USP42: variants seen among roughly 807,000 people sequenced by gnomAD.
The protein encoded by USP42 is ubiquitin carboxyl-terminal hydrolase 42.
USP42 carries 23 observed loss-of-function variants against 113.0 expected under a neutral mutation model. The ratio of observed to expected loss-of-function variants is 0.20; its 90% CI spans 0.15 to 0.29. The LOEUF (loss-of-function observed/expected upper bound fraction) is 0.29. Ranked by LOEUF, USP42 falls within the 10% of genes least tolerant of loss-of-function variation. The pLI, the probability that USP42 is intolerant of heterozygous loss-of-function variation, is 1.00. For synonymous variants in USP42, 933 were observed against 699.0 expected (o/e 1.33, Z -5.28); for missense variants, 2,174 against 1,779.8 (o/e 1.22, Z -3.99).
intron 3 of USP42, among the ~76,000 whole-genome samples, chr7:6,122,279 GTTTTTTT>G (rs55777900): frequency 2.2e-5 from 3 of 133,540 alleles, no homozygotes; most frequent in Non-Finnish European, 4.8e-5. Flanking sequence ...TCATGTGTCA[GTTTTTTT>G]TTTTTTTTTT....
At chr7:6,150,641 T>C (rs937199464) in intron 14 of USP42, 135 bp downstream of exon 14, 5 of 837,658 alleles carry the variant, frequency 6.0e-6, no homozygotes, top group Non-Finnish European at 7.5e-6. Context: ...TGAATTATAA[T>C]GTATAGGATT....
At chr7:6,118,292 C>T (rs964022295) in intron 3 of USP42, among the ~76,000 whole-genome samples, 2 of 151,938 alleles carry the variant, frequency 1.3e-5, no homozygotes, top group African/African-American at 2.4e-5. Flanking sequence ...GAGGCTGAGG[C>T]GGGTGGCTCA....
At chr7:6,087,589 G>A in the USP42 span, among the ~76,000 whole-genome samples, 9 of 150,602 alleles carry the variant, frequency 6.0e-5, no homozygotes, top group South Asian at 6.3e-4. Flanking sequence ...CACCCGCTTC[G>A]GCCTCCCAAA....
chr7:6,088,867 A>G, the USP42 span: 1 of 150,694 alleles, frequency 6.6e-6, no homozygotes, highest in Non-Finnish European at 1.5e-5. Context: ...CACCCGCAGG[A>G]GGGGACGGCG....
At chr7:6,120,490 G>T (rs1040920100) in intron 3 of USP42, among the ~76,000 whole-genome samples, 3 of 152,078 alleles carry the variant, frequency 2.0e-5, no homozygotes, top group Non-Finnish European at 4.4e-5. Context: ...TGATCTGCCC[G>T]ACTCGGCCTC....
At position 6,157,743 on chromosome 7, in the gene USP42, G is replaced by C. The variant is rs188460777; in HGVS notation, c.3943+688G>C. Among the ~76,000 whole-genome samples the C allele has an allele frequency of 0.013, 2,008 of 152,346 alleles. 25 individuals carry two copies. Among genetic ancestry groups the C allele is most frequent in the Middle Eastern group, 0.061 (18 of 294 alleles). On this transcript the variant is annotated intron_variant, in intron 16 of 17. Transcript: ENST00000306177. This position sits in a 1 kb window ranked among gnomAD's most constrained non-coding sequence, Gnocchi z 4.1. ...ATGCTCGGTACTGATTTGCTCGCTT[G>C]GTTCCTTAGAAGCGTGGGCACCAGC...
intron 12 of USP42, among the ~76,000 whole-genome samples, chr7:6,148,779 G>C (rs1337857908): frequency 6.6e-6 from 1 of 152,174 alleles, no homozygotes; most frequent in African/African-American, 2.4e-5. Flanking sequence ...ATGGACATCA[G>C]GCAGTATATT....
intron 3 of USP42, among the ~76,000 whole-genome samples, chr7:6,129,632 G>A (rs541776512): frequency 3.4e-5 from 5 of 148,556 alleles, no homozygotes; most frequent in East Asian, 2.0e-4. Flanking sequence ...AGGCCGAGGC[G>A]GGCGGATTAC....
At chr7:6,152,834 T>TG (rs1782151663) in intron 14 of USP42, 1 of 522,844 alleles carries the variant, frequency 1.9e-6, no homozygotes, top group African/African-American at 2.1e-5. Context: ...TGTCAGTAAT[T>TG]GGAGGAGCTG....
chr7:6,119,450 A>G (rs1780092699), intron 3 of USP42, among the ~76,000 whole-genome samples: 1 of 152,212 alleles, frequency 6.6e-6, no homozygotes, highest in South Asian at 2.1e-4. Context: ...CAGCCTGGGC[A>G]GCAGAGTGAG....
Position 6,146,351 on chromosome 7 carries a change from A to AC in USP42, c.1232+103_1232+104insC, listed in dbSNP as rs1554345726. ...ATTCAGTGTTTTAAAAAAAAAAAAA[A>AC]ACCCAGCAGCTTAAAGATCAACTCT... On this transcript the variant is annotated intron_variant, in intron 11 of 17. Coordinates refer to ENST00000306177, the MANE Select transcript of USP42 (RefSeq NM_032172.3). The AC allele has an allele frequency of 6.2e-6, 5 of 811,600 alleles. No individual in the cohort carries two copies. In the East Asian group the frequency reaches 1.4e-4, roughly 23 times the overall value. 50.3% of individuals were successfully genotyped at this position (811,600 alleles called of 1,614,324 possible).
In USP42 at chr7:6,154,106, C is replaced by G; in HGVS notation, c.2552C>G (p.Ala851Gly). Residue 851 changes from alanine (A) to glycine (G), a missense_variant, in exon 15 of 18, where the codon GCC becomes GGC. By Grantham distance (60) the Ala-to-Gly change is moderately conservative (BLOSUM62 0). Coordinates refer to ENST00000306177, the MANE Select transcript of USP42 (RefSeq NM_032172.3). Reference sequence around the variant, plus strand: ...CCGCGGGACTCGGCGTTGGCGGAAGCCCCGGAAGGGTTGAGTCCGGCTCCG... The same window carrying G: ...CCGCGGGACTCGGCGTTGGCGGAAGGCCCGGAAGGGTTGAGTCCGGCTCCG... ...EGPRDSALAEAPEGLSPAPPA... is the reference protein window; with the variant it reads ...EGPRDSALAEGPEGLSPAPPA... 6.2e-7 allele frequency: 1 copy of G among 1,603,820 alleles called. No homozygotes were observed. Among genetic ancestry groups the G allele is most frequent in the Non-Finnish European group, 8.5e-7 (1 of 1,177,954 alleles).
upstream of USP42, among the ~76,000 whole-genome samples, chr7:6,101,510 A>C (rs1385697137): frequency 6.6e-6 from 1 of 151,248 alleles, no homozygotes; most frequent in African/African-American, 2.5e-5. Flanking sequence ...TCTGGATTAC[A>C]CTCTGATCTG....
chr7:6,128,938 A>C lies in USP42; in HGVS notation c.443-6903A>C, dbSNP rs535036399. Among the ~76,000 whole-genome samples, 4 of 152,204 alleles carry C rather than the reference A, an allele frequency of 2.6e-5. No homozygotes were observed. The South Asian group carries it at 8.3e-4, about 32-fold the overall frequency. On this transcript the variant is annotated intron_variant, in intron 3 of 17. Transcript: ENST00000306177. Reference sequence around the variant, plus strand: ...CAACCTCAAATGATCCTCCTGCCTCAGCCCCGCAAGTGGCTTGGACTACAG... The same window carrying C: ...CAACCTCAAATGATCCTCCTGCCTCCGCCCCGCAAGTGGCTTGGACTACAG...
chr7:6,116,804 C>G (rs199945331), intron 3 of USP42: 10 of 533,122 alleles, frequency 1.9e-5, no homozygotes, highest in Non-Finnish European at 3.8e-5. Context: ...GTCCATAATT[C>G]ATTCCCCACA....
chr7:6,130,174 T>C (rs752532722), intron 3 of USP42, among the ~76,000 whole-genome samples: 5 of 152,310 alleles, frequency 3.3e-5, no homozygotes, highest in South Asian at 4.1e-4. Flanking sequence ...TGTTATCTTA[T>C]AAGACACTGA....
chr7:6,156,713 TTG>T, intron 15 of USP42, 39 bp from the exon 16 acceptor site: 1 of 1,499,840 alleles, frequency 6.7e-7, no homozygotes, highest in Non-Finnish European at 8.9e-7. Flanking sequence ...GCTGGTGGTT[TTG>T]TGTTTTAGGG....
At position 6,145,575 on chromosome 7, in the gene USP42, G is replaced by A. The variant is rs185606553; in HGVS notation, c.1050G>A (p.Glu350=). 9.9e-6 allele frequency: 16 copies of A among 1,613,968 alleles called. No individual in the cohort carries two copies. Among genetic ancestry groups the A allele is most frequent in the Admixed American group, 6.7e-5 (4 of 60,022 alleles). Residue 350 remains glutamate (E), a synonymous_variant, in exon 10 of 18, where the codon GAG becomes GAA. Coordinates refer to ENST00000306177, the MANE Select transcript of USP42 (RefSeq NM_032172.3). ...IRPYMSQPNG[E]PIVYVLYAVL... ...CATATATGTCTCAACCCAACGGAGA[G>A]CCAATTGTCTACGTCTTGTATGCAG...
the USP42 span, among the ~76,000 whole-genome samples, chr7:6,094,308 G>C: frequency 6.6e-6 from 1 of 151,072 alleles, no homozygotes; most frequent in Non-Finnish European, 1.5e-5. Context: ...TTAGTAGCTG[G>C]GACTACAGGC....
Sources: gnomAD v4.1 joint callset for allele counts (sites outside exome capture counted in the v4.1 genomes callset) on GRCh38, gnomAD v4.1.1 for gene constraint, Gnocchi (gnomAD v3.1) non-coding constraint, MANE v1.5 for transcripts, NCBI Gene and HGNC (gene_info 2026-07-23, HGNC 2026-07-21) for gene names.